GALNT10: variants seen among roughly 807,000 people sequenced by gnomAD.
GALNT10 encodes polypeptide N-acetylgalactosaminyltransferase 10.
GALNT10 carries 41 observed loss-of-function variants against 75.0 expected under a neutral mutation model. That is an observed-to-expected ratio of 0.55 (90% CI 0.43 to 0.71). The LOEUF (loss-of-function observed/expected upper bound fraction) is 0.71. Among genes scored for constraint, GALNT10 ranks in the 30% least tolerant of loss-of-function variants. GALNT10 has a pLI of 0.00. For synonymous variants in GALNT10, 302 were observed against 313.0 expected (o/e 0.96, Z 0.37); for missense variants, 727 against 818.5 (o/e 0.89, Z 1.36).
chr5:154,280,575 C>G (rs1358334037), intron 1 of GALNT10, among the ~76,000 whole-genome samples: 1 of 152,134 alleles, frequency 6.6e-6, no homozygotes, highest in Non-Finnish European at 1.5e-5. Context: ...TTAAAAGATA[C>G]ATGTTTTGCA....
chr5:154,329,423 C>T (rs1411059582), intron 3 of GALNT10, 149 bp from the exon 4 acceptor site: 3 of 632,798 alleles, frequency 4.7e-6, no homozygotes, highest in Non-Finnish European at 8.5e-6. Context: ...GTAGAAGTTC[C>T]TGTGTGACCA....
At chr5:154,249,446 G>A (rs896374358) in intron 1 of GALNT10, among the ~76,000 whole-genome samples, 1 of 152,092 alleles carries the variant, frequency 6.6e-6, no homozygotes, top group Non-Finnish European at 1.5e-5. Context: ...CATAAATCAA[G>A]CAAAATGGGT....
intron 7 of GALNT10, among the ~76,000 whole-genome samples, chr5:154,397,667 C>T (rs530642778): frequency 6.6e-6 from 1 of 152,326 alleles, no homozygotes; most frequent in African/African-American, 2.4e-5. Context: ...TATAGTCTTT[C>T]CCCCAAATGC....
At chr5:154,225,178 C>T (rs1323464934) in intron 1 of GALNT10, among the ~76,000 whole-genome samples, 10 of 151,314 alleles carry the variant, frequency 6.6e-5, no homozygotes, top group Admixed American at 1.3e-4. Context: ...CCACAAGCTC[C>T]GCCTCTTGGG....
chr5:154,286,911 G>A (rs931195682), intron 1 of GALNT10, among the ~76,000 whole-genome samples: 7 of 152,166 alleles, frequency 4.6e-5, no homozygotes, highest in Non-Finnish European at 8.8e-5. Context: ...AGGTTTGATT[G>A]TTTTCTCATA....
intron 3 of GALNT10, among the ~76,000 whole-genome samples, chr5:154,326,624 A>C (rs775562464): frequency 1.2e-4 from 19 of 152,232 alleles, no homozygotes; most frequent in Non-Finnish European, 2.1e-4. Context: ...AAAACATTAC[A>C]CCAAGTGTGG....
chr5:154,350,112 A>T lies in GALNT10; in HGVS notation c.568+20374A>T, dbSNP rs375912295. Among the ~76,000 whole-genome samples, 9 of 152,242 alleles carry T rather than the reference A, an allele frequency of 5.9e-5. No homozygotes were observed. The East Asian group carries it at 1.7e-3, about 29-fold the overall frequency. On this transcript the variant is annotated intron_variant, in intron 4 of 11. Transcript: ENST00000297107. ...TGGAACACATGACACAGCCGTGAACATTTAGTCCCTGGCTGCTCTGCCTAT... is the reference window on the plus strand; with the variant it reads ...TGGAACACATGACACAGCCGTGAACTTTTAGTCCCTGGCTGCTCTGCCTAT...
intron 7 of GALNT10, 53 bp downstream of exon 7, chr5:154,386,483 TC>T (rs1169306552): frequency 6.4e-6 from 7 of 1,101,010 alleles, no homozygotes; most frequent in African/African-American, 6.1e-5. Flanking sequence ...TGAGTGCCTG[TC>T]CCAGTAGGTG....
intron 4 of GALNT10, among the ~76,000 whole-genome samples, chr5:154,362,476 T>C (rs147972974): frequency 1.0e-3 from 157 of 152,222 alleles, no homozygotes; most frequent in African/African-American, 3.6e-3. Flanking sequence ...CAGGGGTAGA[T>C]AAAACAGGCT....
rs1247897155 is a variant in GALNT10, at chr5:154,352,035, G to T, written c.568+22297G>T. On this transcript the variant is annotated intron_variant, in intron 4 of 11. Coordinates refer to ENST00000297107, the MANE Select transcript of GALNT10 (RefSeq NM_198321.4). The surrounding 1 kb of genome is among the most constrained non-coding windows in gnomAD (Gnocchi z 4.4). ...TGAAAATGAGAATCAGAAAGGCTGT[G>T]TGCCGTGTACAGGGATGCACAGCCA... 1.3e-5 allele frequency among the ~76,000 whole-genome samples: 2 copies of T among 152,228 alleles called. No homozygotes were observed. The highest frequency in any genetic ancestry group is 4.8e-5 in the African/African-American group (2 of 41,456).
chr5:154,290,213 T>C (rs1197725355), intron 1 of GALNT10, among the ~76,000 whole-genome samples: 5 of 147,952 alleles, frequency 3.4e-5, no homozygotes, highest in Non-Finnish European at 7.4e-5. Flanking sequence ...TGCCTCAGCC[T>C]CCCAAATAGC....
At chr5:154,324,662 T>C (rs1754727343) in intron 3 of GALNT10, among the ~76,000 whole-genome samples, 1 of 152,096 alleles carries the variant, frequency 6.6e-6, no homozygotes, top group Admixed American at 6.5e-5. Context: ...GGGAGCTTGA[T>C]AAAATAAAAA....
intron 4 of GALNT10, among the ~76,000 whole-genome samples, chr5:154,358,000 G>A (rs1237107411): frequency 2.0e-5 from 3 of 152,132 alleles, no homozygotes; most frequent in Non-Finnish European, 4.4e-5. Flanking sequence ...GAATGGTCAG[G>A]CAGGACCTCT....
chr5:154,385,164 T>A (rs1561678238), intron 6 of GALNT10, among the ~76,000 whole-genome samples: 1 of 145,454 alleles, frequency 6.9e-6, no homozygotes, highest in Non-Finnish European at 1.6e-5. Context: ...ATGTTTGGAT[T>A]TGAGGGTTTG....
At chr5:154,204,260 C>G (rs190851499) in intron 1 of GALNT10, among the ~76,000 whole-genome samples, 3 of 152,194 alleles carry the variant, frequency 2.0e-5, no homozygotes, top group African/African-American at 4.8e-5. Context: ...CCTGAATTCT[C>G]TGCTGGATCT....
At position 154,253,910 on chromosome 5, in the gene GALNT10, A is replaced by C. The variant is rs532728605; in HGVS notation, c.160-40906A>C. Among the ~76,000 whole-genome samples the C allele has an allele frequency of 2.9e-4, 44 of 152,188 alleles. No individual in the cohort carries two copies. In the East Asian group the frequency reaches 6.6e-3, roughly 23 times the overall value. On this transcript the variant is annotated intron_variant, in intron 1 of 11. Transcript: ENST00000297107. ...AGGTCTTGATCCGCCCTAGAAGATC[A>C]GCTTTAAGAGTTCATAGGAGTGAGG... is the stretch of plus-strand genomic sequence containing the variant.
intron 10 of GALNT10, among the ~76,000 whole-genome samples, chr5:154,415,093 A>C (rs563484025): frequency 1.3e-5 from 2 of 152,334 alleles, no homozygotes; most frequent in African/African-American, 4.8e-5. Context: ...ATTGCACTCC[A>C]GCATGGACAA....
intron 7 of GALNT10, among the ~76,000 whole-genome samples, chr5:154,396,201 T>TATGAATGAATGAATGAATGAATGAATGA (rs5872378): frequency 1.3e-5 from 2 of 151,042 alleles, no homozygotes; most frequent in African/African-American, 4.9e-5. Context: ...CCAGATCATG[T>TATGAATGAATGAATGAATGAATGAATGA]ATGAATGAAT....
rs1261814098 is a variant in GALNT10 at position 154,400,440 on chromosome 5, T to A, written c.1057-3664T>A. On this transcript the variant is annotated intron_variant, in intron 7 of 11. Coordinates refer to ENST00000297107, the MANE Select transcript of GALNT10 (RefSeq NM_198321.4). The stretch of plus-strand genomic sequence containing the variant: ...AAGCACCAGCATGTGTGGCGACCAT[T>A]AAATATATACCCCATTACCCTGCCC... Among the ~76,000 whole-genome samples, 11 of 151,960 alleles carry A rather than the reference T, an allele frequency of 7.2e-5. 2 individuals carry two copies. The highest frequency in any genetic ancestry group is 2.9e-5 in the Non-Finnish European group (2 of 67,996).
Sources: gnomAD v4.1 joint callset for allele counts (sites outside exome capture counted in the v4.1 genomes callset) on GRCh38, gnomAD v4.1.1 for gene constraint, Gnocchi (gnomAD v3.1) non-coding constraint, MANE v1.5 for transcripts, NCBI Gene and HGNC (gene_info 2026-07-23, HGNC 2026-07-21) for gene names.